The following DEUP1 variants were observed in gnomAD, a reference collection of about 807,000 sequenced individuals.
DEUP1 encodes the protein deuterosome assembly protein 1, also known as coiled-coil domain containing 67.
Under a neutral mutation model 87.4 loss-of-function variants are expected in DEUP1, and 82 were observed. The ratio of observed to expected loss-of-function variants is 0.94; its 90% confidence interval spans 0.78 to 1.13. The LOEUF (loss-of-function observed/expected upper bound fraction) is 1.13, where lower values mean the gene tolerates loss of function less well. DEUP1 is among the 50% of genes most tolerant of loss of function. The pLI is 0.00. For synonymous variants in DEUP1, 214 were observed against 222.7 expected (o/e 0.96, Z 0.35); for missense variants, 663 against 681.5 (o/e 0.97, Z 0.30).
chr11:93,353,924 A>G (rs1944759509), intron 2 of DEUP1, among the ~76,000 whole-genome samples: 1 of 152,174 alleles, frequency 6.6e-6, no homozygotes, highest in South Asian at 2.1e-4. Flanking sequence ...TCCTGGGGAC[A>G]TTTTCCCCAT....
chr11:93,369,128 A>G (rs911371808), intron 5 of DEUP1, among the ~76,000 whole-genome samples: 1 of 152,028 alleles, frequency 6.6e-6, no homozygotes, highest in Non-Finnish European at 1.5e-5. Context: ...TGCTCTTTGT[A>G]TCCTCAGATG....
chr11:93,389,644 T>C (rs1409753480), intron 9 of DEUP1, among the ~76,000 whole-genome samples: 1 of 152,128 alleles, frequency 6.6e-6, no homozygotes, highest in East Asian at 1.9e-4. Context: ...GTCTTAATAT[T>C]ACCCTCCTTT....
At chr11:93,379,378 G>A (rs1217882871) in intron 7 of DEUP1, among the ~76,000 whole-genome samples, 1 of 152,198 alleles carries the variant, frequency 6.6e-6, no homozygotes, top group Non-Finnish European at 1.5e-5. Flanking sequence ...TTTCCAGGAA[G>A]TAGAATGGAG....
intron 2 of DEUP1, among the ~76,000 whole-genome samples, chr11:93,336,241 G>GGA (rs1943757754): frequency 6.6e-6 from 1 of 152,014 alleles, no homozygotes; most frequent in African/African-American, 2.4e-5. Context: ...AGAGCAGGAG[G>GGA]GAGAGAGAGA....
At chr11:93,371,345 G>A (rs2134268153) in intron 7 of DEUP1, 65 bp downstream of exon 7, 1 of 1,370,720 alleles carries the variant, frequency 7.3e-7, no homozygotes, top group African/African-American at 1.5e-5. Context: ...CACATATAGA[G>A]ATTAGAATGA....
intron 13 of DEUP1, among the ~76,000 whole-genome samples, chr11:93,419,909 G>T (rs937957488): frequency 6.6e-6 from 1 of 151,194 alleles, no homozygotes; most frequent in Non-Finnish European, 1.5e-5. Flanking sequence ...CTCTGAAATT[G>T]TGGCAATAAT....
Position 93,360,172 on chromosome 11 carries a change from T to G in DEUP1, c.297+3129T>G, listed in dbSNP as rs1020705290. Among the ~76,000 whole-genome samples, 4 of 152,106 alleles carry G rather than the reference T, an allele frequency of 2.6e-5. No homozygotes were observed. The East Asian group carries it at 7.7e-4, about 29-fold the overall frequency. ...CAATCAAAGTGTATTAGTGAAAGAC[T>G]AGTGGGGAGCCTGAACTCCCACTTC... On this transcript the variant is annotated intron_variant, in intron 4 of 13. Coordinates refer to ENST00000298050, the MANE Select transcript of DEUP1 (RefSeq NM_181645.4).
At chr11:93,356,397 CT>C (rs1297164200) in intron 3 of DEUP1, among the ~76,000 whole-genome samples, 1 of 152,088 alleles carries the variant, frequency 6.6e-6, no homozygotes, top group East Asian at 1.9e-4. Context: ...CATTCTTCTT[CT>C]TTTAGCTTTT....
intron 2 of DEUP1, chr11:93,352,293 T>A: frequency 1.4e-6 from 1 of 694,566 alleles, no homozygotes; most frequent in Non-Finnish European, 2.6e-6. Flanking sequence ...GACGTTTGTA[T>A]GTTCCTTAGG....
intron 7 of DEUP1, among the ~76,000 whole-genome samples, chr11:93,377,573 ACT>A (rs975570768): frequency 3.7e-4 from 56 of 151,836 alleles, no homozygotes; most frequent in African/African-American, 1.3e-3. Context: ...CCATTCTGCC[ACT>A]CTGTATCTTT....
chr11:93,418,319 TCAAA>T (rs1282288930), intron 13 of DEUP1, among the ~76,000 whole-genome samples: 1 of 151,418 alleles, frequency 6.6e-6, no homozygotes, highest in Non-Finnish European at 1.5e-5. Flanking sequence ...TACAATCAAC[TCAAA>T]CAAATTTACA....
intron 2 of DEUP1, among the ~76,000 whole-genome samples, chr11:93,351,669 T>C (rs907157406): frequency 6.6e-6 from 1 of 152,226 alleles, no homozygotes; most frequent in South Asian, 2.1e-4. Context: ...TTAGTATACA[T>C]CCTTTTGTCA....
chr11:93,368,197 G>A (rs1432803586), intron 5 of DEUP1, among the ~76,000 whole-genome samples: 2 of 152,232 alleles, frequency 1.3e-5, no homozygotes, highest in Non-Finnish European at 2.9e-5. Context: ...AATTGGTACT[G>A]CCTAAATGAG....
chr11:93,427,808 C>G (rs28786675), intron 13 of DEUP1, among the ~76,000 whole-genome samples: 108,948 of 132,770 alleles, frequency 0.82, 45,002 homozygotes, highest in East Asian at 0.91. Flanking sequence ...ATCAAAAAGT[C>G]GGCGAAGGTC....
intron 11 of DEUP1, among the ~76,000 whole-genome samples, chr11:93,407,740 A>G (rs950002974): frequency 6.6e-6 from 1 of 151,950 alleles, no homozygotes; most frequent in African/African-American, 2.4e-5. Context: ...ATTTAAATGC[A>G]TGTTATTTCC....
intron 13 of DEUP1, among the ~76,000 whole-genome samples, chr11:93,415,510 C>A (rs1185597156): frequency 6.6e-6 from 1 of 151,632 alleles, no homozygotes; most frequent in Non-Finnish European, 1.5e-5. Context: ...TAAGTGTAGA[C>A]ACAGGTACAA....
At chr11:93,364,589 C>A (rs1945322033) in intron 5 of DEUP1, among the ~76,000 whole-genome samples, 1 of 151,666 alleles carries the variant, frequency 6.6e-6, no homozygotes, top group African/African-American at 2.4e-5. Context: ...TTGAAGGACA[C>A]CCCTGGGGTC....
chr11:93,379,301 C>A lies in DEUP1; in HGVS notation c.790-6097C>A, dbSNP rs538575410. 3.3e-5 allele frequency among the ~76,000 whole-genome samples: 5 copies of A among 152,280 alleles called. No homozygotes were observed. In the East Asian group the frequency reaches 9.6e-4, roughly 29 times the overall value. On this transcript the variant is annotated intron_variant, in intron 7 of 13. Coordinates refer to ENST00000298050, the MANE Select transcript of DEUP1 (RefSeq NM_181645.4). ...ACCTCTTTCTTGGCAGTATGACTGACTTTCTCTATAATGCTTTCCTTGATC... is the reference window on the plus strand; with the variant it reads ...ACCTCTTTCTTGGCAGTATGACTGAATTTCTCTATAATGCTTTCCTTGATC...
intron 7 of DEUP1, among the ~76,000 whole-genome samples, chr11:93,372,161 C>T (rs1482337585): frequency 1.3e-5 from 2 of 152,032 alleles, no homozygotes; most frequent in South Asian, 2.1e-4. Context: ...ATCTCCTGAC[C>T]TCGTGATCCG....
Sources: allele counts gnomAD v4.1 joint callset (sites outside exome capture counted in the v4.1 genomes callset), GRCh38; gene constraint gnomAD v4.1.1; transcripts MANE v1.5; gene names NCBI Gene and HGNC (gene_info 2026-07-23, HGNC 2026-07-21).